MACROD2: variants seen among roughly 807,000 people sequenced by gnomAD.
MACROD2 encodes ADP-ribose glycohydrolase MACROD2.
A neutral mutation model predicts 70.4 loss-of-function variants in MACROD2; 36 were observed. The ratio of observed to expected loss-of-function variants is 0.51; its 90% CI spans 0.39 to 0.68. The LOEUF (loss-of-function observed/expected upper bound fraction) is 0.68, where lower values mean the gene tolerates loss of function less well. MACROD2 is among the 30% of genes least tolerant of loss of function. The pLI is 0.00. For missense variants in MACROD2, 496 were observed against 538.4 expected, an observed-to-expected ratio of 0.92 and a Z score of 0.78; for synonymous variants, 172 against 178.8, an observed-to-expected ratio of 0.96 and a Z score of 0.30.
intron 5 of MACROD2, among the ~76,000 whole-genome samples, chr20:14,952,262 G>C (rs917088382): frequency 6.6e-6 from 1 of 152,096 alleles, no homozygotes; most frequent in Non-Finnish European, 1.5e-5. Flanking sequence ...GCCTGATGCT[G>C]TTTAATTACA....
intron 5 of MACROD2, among the ~76,000 whole-genome samples, chr20:14,902,896 G>C (rs2122556820): frequency 6.6e-6 from 1 of 152,002 alleles, no homozygotes; most frequent in East Asian, 1.9e-4. Context: ...TAAATGGAGA[G>C]GGTACCATGT....
chr20:16,007,955 C>G (rs900189307), intron 15 of MACROD2, among the ~76,000 whole-genome samples: 1 of 152,192 alleles, frequency 6.6e-6, no homozygotes, highest in Non-Finnish European at 1.5e-5. Flanking sequence ...TGTTCAACCT[C>G]CTGCTGTGAT....
intron 8 of MACROD2, among the ~76,000 whole-genome samples, chr20:15,666,823 G>A (rs2049904472): frequency 6.6e-6 from 1 of 152,154 alleles, no homozygotes; most frequent in African/African-American, 2.4e-5. Flanking sequence ...CCCTGCATTG[G>A]TAAAGAAGCA....
intron 6 of MACROD2, among the ~76,000 whole-genome samples, chr20:15,270,685 C>T (rs2077338562): frequency 6.6e-6 from 1 of 152,106 alleles, no homozygotes. Flanking sequence ...TTCTTAGCTG[C>T]CTCTGTCATC....
chr20:14,485,564 G>A (rs535217389), intron 3 of MACROD2, among the ~76,000 whole-genome samples: 167 of 152,102 alleles, frequency 1.1e-3, no homozygotes, highest in African/African-American at 3.7e-3. Flanking sequence ...AGCCGGGCGT[G>A]GTGGCAGGCA....
chr20:14,362,766 A>T (rs1008824495), intron 3 of MACROD2, among the ~76,000 whole-genome samples: 1 of 152,186 alleles, frequency 6.6e-6, no homozygotes, highest in Non-Finnish European at 1.5e-5. Flanking sequence ...AATGAAAACC[A>T]GATGTTGAAA....
intron 6 of MACROD2, among the ~76,000 whole-genome samples, chr20:15,321,854 A>G (rs1446454505): frequency 6.9e-6 from 1 of 143,946 alleles, no homozygotes; most frequent in African/African-American, 2.5e-5. Flanking sequence ...GTGCAGTTGC[A>G]TGATCTCGAC....
At chr20:14,167,835 C>CT (rs2081185002) in intron 3 of MACROD2, among the ~76,000 whole-genome samples, 1 of 152,178 alleles carries the variant, frequency 6.6e-6, no homozygotes, top group Non-Finnish European at 1.5e-5. Flanking sequence ...TACGAAGACT[C>CT]TCCTGTGTGC....
intron 6 of MACROD2, among the ~76,000 whole-genome samples, chr20:15,314,089 G>A (rs1806622635): frequency 6.6e-6 from 1 of 152,124 alleles, no homozygotes; most frequent in African/African-American, 2.4e-5. Flanking sequence ...GGACCAGTAA[G>A]TTTTACCCAG....
intron 6 of MACROD2, among the ~76,000 whole-genome samples, chr20:15,343,641 C>A (rs929305813): frequency 1.3e-5 from 2 of 152,160 alleles, no homozygotes; most frequent in Non-Finnish European, 2.9e-5. Flanking sequence ...CTGGGTGTTT[C>A]ATCTCCCAGT....
chr20:15,549,784 C>A (rs2048071468), intron 8 of MACROD2, among the ~76,000 whole-genome samples: 1 of 152,088 alleles, frequency 6.6e-6, no homozygotes, highest in Non-Finnish European at 1.5e-5. Context: ...TGACTGTGGG[C>A]ATATTCAGTC....
At chr20:14,600,104 G>T (rs1982387664) in intron 4 of MACROD2, among the ~76,000 whole-genome samples, 1 of 152,036 alleles carries the variant, frequency 6.6e-6, no homozygotes, top group African/African-American at 2.4e-5. Context: ...AGGAACAAAT[G>T]ATTAAAGTTT....
chr20:14,963,896 G>T (rs1322689538), intron 5 of MACROD2, among the ~76,000 whole-genome samples: 1 of 152,140 alleles, frequency 6.6e-6, no homozygotes, highest in Non-Finnish European at 1.5e-5. Flanking sequence ...GACTTCTAAA[G>T]TAGAGAGGGA....
intron 5 of MACROD2, among the ~76,000 whole-genome samples, chr20:14,720,953 A>T (rs1180781531): frequency 1.3e-5 from 2 of 152,084 alleles, no homozygotes; most frequent in African/African-American, 4.8e-5. Context: ...AGTAAATTGA[A>T]CATTAAAACT....
intron 5 of MACROD2, among the ~76,000 whole-genome samples, chr20:15,087,269 A>G (rs919521742): frequency 3.9e-5 from 6 of 152,160 alleles, no homozygotes; most frequent in Non-Finnish European, 8.8e-5. Flanking sequence ...TTGACAAAAA[A>G]GAATGACTAA....
At chr20:14,198,029 G>A (rs1415353068) in intron 3 of MACROD2, among the ~76,000 whole-genome samples, 1 of 152,164 alleles carries the variant, frequency 6.6e-6, no homozygotes, top group African/African-American at 2.4e-5. Context: ...ACAGGGTGGG[G>A]AATGGTGGAG....
chr20:15,861,987 A>G (rs907848121), intron 8 of MACROD2, among the ~76,000 whole-genome samples: 1 of 152,172 alleles, frequency 6.6e-6, no homozygotes, highest in Non-Finnish European at 1.5e-5. Flanking sequence ...ATTTAATCAG[A>G]TATATGTGAG....
chr20:15,591,586 TAAAAAAAAAAAAAAAAAAA>T, intron 8 of MACROD2, among the ~76,000 whole-genome samples: 1 of 65,138 alleles, frequency 1.5e-5, no homozygotes, highest in East Asian at 5.4e-4. Context: ...AAGCCAGTAC[TAAAAAAAAAAAAAAAAAAA>T]AAAAAAAAAA....
At chr20:15,508,298 G>T (rs991823949) in intron 8 of MACROD2, among the ~76,000 whole-genome samples, 1 of 151,580 alleles carries the variant, frequency 6.6e-6, no homozygotes, top group Admixed American at 6.6e-5. Flanking sequence ...ACTCTGCTGG[G>T]GGTGAGTGGT....
Sources: gnomAD v4.1 joint callset for allele counts (sites outside exome capture counted in the v4.1 genomes callset) on GRCh38, gnomAD v4.1.1 for gene constraint, MANE v1.5 for transcripts, NCBI Gene and HGNC (gene_info 2026-07-23, HGNC 2026-07-21) for gene names.